ZFYVE28: variants seen among roughly 807,000 people sequenced by gnomAD.
ZFYVE28 encodes lateral signaling target protein 2 homolog.
In ZFYVE28, 40 loss-of-function variants were observed where a neutral mutation model predicts 82.1. That is an observed-to-expected ratio of 0.49 (90% confidence interval 0.38 to 0.63). The LOEUF is 0.63. Ranked by LOEUF, ZFYVE28 falls within the 30% of genes least tolerant of loss-of-function variation. ZFYVE28 has a pLI of 0.00. For missense variants in ZFYVE28, 1,321 were observed against 1,242.1 expected (o/e 1.06, Z -0.96); for synonymous variants, 612 against 546.1 (o/e 1.12, Z -1.68).
intron 1 of ZFYVE28, among the ~76,000 whole-genome samples, chr4:2,415,602 G>A (rs60221127): frequency 6.6e-6 from 1 of 152,160 alleles, no homozygotes; most frequent in African/African-American, 2.4e-5. Context: ...CCTGACTGCA[G>A]GCAACAGTCT....
At chr4:2,356,745 C>T (rs1343774777) in intron 1 of ZFYVE28, among the ~76,000 whole-genome samples, 1 of 152,190 alleles carries the variant, frequency 6.6e-6, no homozygotes, top group South Asian at 2.1e-4. Flanking sequence ...GGAGGGGAGG[C>T]GGGGAAAGTG....
rs374413016 is a variant in ZFYVE28 at position 2,391,738 on chromosome 4, C to CTTT, written c.39+26546_39+26547insAAA. Among the ~76,000 whole-genome samples the CTTT allele has an allele frequency of 1.2e-3, 171 of 139,806 alleles. 6 individuals carry two copies. The highest frequency in any genetic ancestry group is 2.7e-3 in the African/African-American group (102 of 37,984). The allele number at this position is 139,806 out of a possible 152,430, so 91.7% of individuals were successfully genotyped here. On this transcript the variant is annotated intron_variant, in intron 1 of 12. Coordinates refer to ENST00000290974, the MANE Select transcript of ZFYVE28 (RefSeq NM_020972.3). ...GGCTTCCTGTAAGTCAATTCTCTCT[C>CTTT]TCTTTTTTTTTTTTTGTGACTGAGT... is the stretch of plus-strand genomic sequence containing the variant.
Position 2,304,874 on chromosome 4 carries a change from T to C in ZFYVE28, c.1466A>G (p.Asp489Gly). Reference protein sequence around the residue: ...CSCLDSRLHLDGWEVGADDAE... With the variant: ...CSCLDSRLHLGGWEVGADDAE... ...GTCATCCGCACCCACCTCCCAGCCG[T>C]CCAGGTGCAGCCGCGAGTCCAGGCA... Residue 489 changes from aspartate (D) to glycine (G), a missense_variant, in exon 8 of 13, where the codon GAC becomes GGC. By Grantham distance (94) the Asp-to-Gly change is moderately conservative. Around this residue, in one of 2 missense-constraint regions of ZFYVE28, gnomAD observed 978 missense variants for 833.7 expected, o/e 1.17. Transcript: ENST00000290974. 5.6e-6 allele frequency: 9 copies of C among 1,612,572 alleles called. No individual in the cohort carries two copies. Among genetic ancestry groups the C allele is most frequent in the Non-Finnish European group, 5.9e-6 (7 of 1,179,848 alleles).
At chr4:2,402,281 A>G (rs1355488936) in intron 1 of ZFYVE28, among the ~76,000 whole-genome samples, 1 of 152,024 alleles carries the variant, frequency 6.6e-6, no homozygotes, top group Non-Finnish European at 1.5e-5. Flanking sequence ...ACTCCTCCCA[A>G]GGTCAGCTGC....
In ZFYVE28 at chr4:2,279,409, G is replaced by C. The variant is rs1711595343; in HGVS notation, c.2052-5193C>G. 2.0e-5 allele frequency among the ~76,000 whole-genome samples: 3 copies of C among 150,686 alleles called. No individual in the cohort carries two copies. The South Asian group carries it at 6.4e-4, about 32-fold the overall frequency. On this transcript the variant is annotated intron_variant, in intron 8 of 12. Coordinates refer to ENST00000290974, the MANE Select transcript of ZFYVE28 (RefSeq NM_020972.3). ...TCGTGCCATTGCACTCTAGCCTGAA[G>C]ACAGAGCGAGACTCCGTCTAAAAAA... is the stretch of plus-strand genomic sequence containing the variant.
chr4:2,404,297 G>A (rs531723635), intron 1 of ZFYVE28, among the ~76,000 whole-genome samples: 5 of 38,898 alleles, frequency 1.3e-4, no homozygotes, highest in South Asian at 8.5e-4. Flanking sequence ...AGGACGGAGC[G>A]AGACTCCGCC....
intron 6 of ZFYVE28, among the ~76,000 whole-genome samples, chr4:2,327,364 C>CCTTTTCTTTCTT (rs2108843693): frequency 7.0e-6 from 1 of 142,668 alleles, no homozygotes; most frequent in East Asian, 2.2e-4. Context: ...TATTTGGATG[C>CCTTTTCTTTCTT]CTTTTCTTTC....
At chr4:2,318,585 G>C (rs1028073613) in intron 7 of ZFYVE28, among the ~76,000 whole-genome samples, 2 of 152,216 alleles carry the variant, frequency 1.3e-5, no homozygotes, top group African/African-American at 4.8e-5. Flanking sequence ...CTCATCTGTG[G>C]ATTCTCACTG....
At chr4:2,396,933 T>C (rs987446199) in intron 1 of ZFYVE28, among the ~76,000 whole-genome samples, 1 of 152,102 alleles carries the variant, frequency 6.6e-6, no homozygotes, top group African/African-American at 2.4e-5. Flanking sequence ...AATTGAATTG[T>C]GTGCTTCAAC....
chr4:2,302,286 G>T (rs1715679554), intron 8 of ZFYVE28, among the ~76,000 whole-genome samples: 1 of 152,220 alleles, frequency 6.6e-6, no homozygotes, highest in South Asian at 2.1e-4. Context: ...ACTTCTCTGG[G>T]TCTATCTTAT....
chr4:2,395,991 G>T (rs2108929180), intron 1 of ZFYVE28, among the ~76,000 whole-genome samples: 1 of 152,312 alleles, frequency 6.6e-6, no homozygotes, highest in Admixed American at 6.5e-5. Flanking sequence ...ATTCAGCCCG[G>T]GTGAGACCCA....
chr4:2,371,402 A>G (rs1727538598), intron 1 of ZFYVE28, among the ~76,000 whole-genome samples: 1 of 152,276 alleles, frequency 6.6e-6, no homozygotes, highest in Admixed American at 6.5e-5. Context: ...TTCTTTAAAA[A>G]TAGCTGTCCT....
chr4:2,418,172 A>G lies in ZFYVE28; in HGVS notation c.39+113T>C. 1 of 928,410 alleles carries G rather than the reference A, an allele frequency of 1.1e-6. No individual in the cohort carries two copies. Among genetic ancestry groups the G allele is most frequent in the Non-Finnish European group, 1.5e-6 (1 of 659,082 alleles). 57.5% of individuals were successfully genotyped at this position (928,410 alleles called of 1,614,324 possible). ...AGGGAAGGATGTCGGCGGTGGGGGA[A>G]GAGGCCGGCCACGGACAGGGAAAGG... is the stretch of plus-strand genomic sequence containing the variant. On this transcript the variant is annotated intron_variant, in intron 1 of 12. Coordinates refer to ENST00000290974, the MANE Select transcript of ZFYVE28 (RefSeq NM_020972.3). This position sits in a 1 kb window ranked among gnomAD's most constrained non-coding sequence, Gnocchi z 4.6.
chr4:2,296,978 A>C (rs999805793), intron 8 of ZFYVE28, among the ~76,000 whole-genome samples: 2 of 152,076 alleles, frequency 1.3e-5, no homozygotes. Context: ...GCAGGGAGGG[A>C]AGCGTGGGCT....
At chr4:2,295,493 C>G (rs1714411046) in intron 8 of ZFYVE28, 1 of 152,232 alleles carries the variant, frequency 6.6e-6, no homozygotes, top group Non-Finnish European at 1.5e-5. Flanking sequence ...TTTAAACCAC[C>G]AGACCACTTC....
intron 1 of ZFYVE28, among the ~76,000 whole-genome samples, chr4:2,377,313 C>T (rs1450267002): frequency 1.3e-5 from 2 of 152,184 alleles, no homozygotes; most frequent in East Asian, 3.9e-4. Context: ...TGAGCCACTG[C>T]GCCCGGCCTA....
At chr4:2,330,730 T>A in intron 6 of ZFYVE28, 1 of 1,455,604 alleles carries the variant, frequency 6.9e-7, no homozygotes, top group Non-Finnish European at 9.0e-7. Flanking sequence ...GGAAACATCA[T>A]GGAAAAGGGG....
At chr4:2,313,302 G>A (rs1458288910) in intron 7 of ZFYVE28, among the ~76,000 whole-genome samples, 3 of 151,416 alleles carry the variant, frequency 2.0e-5, no homozygotes, top group East Asian at 3.9e-4. Context: ...GCTGTGTGGT[G>A]CAGGCTGGAG....
In ZFYVE28 at chr4:2,372,251, A is replaced by T. The variant is rs1560300571; in HGVS notation, c.40-18178T>A. On this transcript the variant is annotated intron_variant, in intron 1 of 12. Transcript: ENST00000290974. This position sits in a 1 kb window ranked among gnomAD's most constrained non-coding sequence, Gnocchi z 5.2. ...TCCTAGAAGGATGGTGGCGGGGCTG[A>T]GTCTGGTTCCGAGAAGGACTCGTGA... 6.6e-6 allele frequency among the ~76,000 whole-genome samples: 1 copy of T among 152,070 alleles called. No homozygotes were observed. Among genetic ancestry groups the T allele is most frequent in the African/African-American group, 2.4e-5 (1 of 41,400 alleles).
Sources: allele counts gnomAD v4.1 joint callset (sites outside exome capture counted in the v4.1 genomes callset), GRCh38; gene constraint gnomAD v4.1.1; regional missense constraint gnomAD v4.1.1; non-coding constraint Gnocchi (gnomAD v3.1); transcripts MANE v1.5; gene names NCBI Gene and HGNC (gene_info 2026-07-23, HGNC 2026-07-21).